HPD: variants seen among roughly 807,000 people sequenced by gnomAD.
HPD encodes 4-hydroxyphenylpyruvic acid oxidase.
A neutral mutation model predicts 56.9 loss-of-function variants in HPD; 35 were observed. That is an observed-to-expected ratio of 0.62 (90% CI 0.47 to 0.82). The LOEUF (loss-of-function observed/expected upper bound fraction) is 0.82, where lower values mean the gene tolerates loss of function less well. HPD is among the 40% of genes least tolerant of loss of function. The pLI, the probability that HPD is intolerant of heterozygous loss-of-function variation, is 0.00. For synonymous variants in HPD, 186 were observed against 200.2 expected (o/e 0.93, Z 0.60); for missense variants, 442 against 506.8 (o/e 0.87, Z 1.23).
intron 7 of HPD, among the ~76,000 whole-genome samples, chr12:121,850,461 A>C (rs1001371545): frequency 7.0e-6 from 1 of 143,090 alleles, no homozygotes; most frequent in Non-Finnish European, 1.5e-5. Flanking sequence ...TCTGTCAGCC[A>C]CTTTAACCAT....
At chr12:121,840,833 G>A (rs1877383484) in intron 12 of HPD, among the ~76,000 whole-genome samples, 1 of 151,756 alleles carries the variant, frequency 6.6e-6, no homozygotes, top group African/African-American at 2.4e-5. Context: ...CGAGGCAGGT[G>A]GATCACCTGA....
At chr12:121,840,461 C>T (rs753594274) in intron 12 of HPD, among the ~76,000 whole-genome samples, 1 of 152,008 alleles carries the variant, frequency 6.6e-6, no homozygotes, top group Non-Finnish European at 1.5e-5. Flanking sequence ...CTACCATGCC[C>T]GGCTAATTTT....
At chr12:121,874,947 G>C in the HPD span, among the ~76,000 whole-genome samples, 46 of 152,088 alleles carry the variant, frequency 3.0e-4, no homozygotes, top group African/African-American at 1.1e-3. Context: ...TTTTAGTAGA[G>C]AGGGGTTTCT....
chr12:121,841,952 G>C (rs1448862771), intron 12 of HPD, among the ~76,000 whole-genome samples: 1 of 151,966 alleles, frequency 6.6e-6, no homozygotes, highest in Non-Finnish European at 1.5e-5. Flanking sequence ...CAAAGTGCTG[G>C]GATTACAGGC....
intron 3 of HPD, 114 bp downstream of exon 3, chr12:121,857,642 CT>C (rs1426693207): frequency 4.1e-6 from 4 of 972,110 alleles, no homozygotes; most frequent in Admixed American, 1.8e-5. Context: ...TGGCCCACCC[CT>C]GGCCTGATCC....
the HPD span, among the ~76,000 whole-genome samples, chr12:121,887,189 C>T: frequency 6.6e-6 from 1 of 151,872 alleles, no homozygotes; most frequent in Non-Finnish European, 1.5e-5. Context: ...TGTGAATCAC[C>T]ACACCTGGTC....
At chr12:121,874,646 A>C in the HPD span, among the ~76,000 whole-genome samples, 8 of 152,146 alleles carry the variant, frequency 5.3e-5, no homozygotes, top group Non-Finnish European at 8.8e-5. Flanking sequence ...AAACAAACAA[A>C]ACCAAAAACA....
At chr12:121,882,955 C>T in the HPD span, among the ~76,000 whole-genome samples, 2 of 151,836 alleles carry the variant, frequency 1.3e-5, no homozygotes, top group African/African-American at 4.8e-5. Context: ...CTTGAACTAC[C>T]GACCTCAAGT....
chr12:121,881,134 T>G, the HPD span, among the ~76,000 whole-genome samples: 1 of 152,226 alleles, frequency 6.6e-6, no homozygotes, highest in African/African-American at 2.4e-5. Flanking sequence ...TGCTCCACGC[T>G]CTGCCCAGGT....
intron 11 of HPD, 61 bp from the exon 12 acceptor site, chr12:121,843,893 T>C (rs2137611420): frequency 6.2e-7 from 1 of 1,607,432 alleles, no homozygotes; most frequent in East Asian, 2.2e-5. Flanking sequence ...CCTAGCCAGG[T>C]GGAGGTGCTG....
At chr12:121,857,625 G>T in intron 3 of HPD, 132 bp downstream of exon 3, 1 of 873,122 alleles carries the variant, frequency 1.1e-6, no homozygotes, top group South Asian at 1.4e-5. Context: ...TTAGGATTCA[G>T]AGTATCTGGC....
the HPD span, among the ~76,000 whole-genome samples, chr12:121,871,405 C>T: frequency 1.3e-5 from 2 of 152,050 alleles, no homozygotes; most frequent in African/African-American, 4.8e-5. Context: ...GTCAAATAGC[C>T]CTGTGCTCTG....
intron 2 of HPD, 39 bp from the exon 3 acceptor site, chr12:121,857,858 A>G: frequency 6.4e-7 from 1 of 1,554,542 alleles, no homozygotes. Context: ...AGTCCCTGAA[A>G]GTGAGTCTAG....
At chr12:121,873,027 C>G in the HPD span, among the ~76,000 whole-genome samples, 1 of 152,120 alleles carries the variant, frequency 6.6e-6, no homozygotes, top group African/African-American at 2.4e-5. Context: ...CCACCACCAT[C>G]TGTGAGCATG....
upstream of HPD, among the ~76,000 whole-genome samples, chr12:121,861,149 A>C (rs1046493110): frequency 7.9e-5 from 12 of 152,058 alleles, no homozygotes; most frequent in African/African-American, 2.9e-4. Flanking sequence ...CAGCCTGACC[A>C]ATATGGTGAA....
At chr12:121,859,045 G>A (rs138385400), upstream of HPD, 6,106 of 600,222 alleles carry the variant, frequency 0.01, 113 homozygotes, top group South Asian at 0.035. Flanking sequence ...GGGCAGTGAC[G>A]TCCACTAGTC....
At chr12:121,846,638 C>T (rs748150428) in intron 11 of HPD, among the ~76,000 whole-genome samples, 3 of 152,168 alleles carry the variant, frequency 2.0e-5, no homozygotes, top group African/African-American at 4.8e-5. Flanking sequence ...GATACCCTGG[C>T]GCCTGCTACC....
the HPD span, among the ~76,000 whole-genome samples, chr12:121,886,333 C>A: frequency 1.8e-3 from 272 of 151,366 alleles, 2 homozygotes; most frequent in African/African-American, 6.5e-3. Context: ...TGGTCTCGAT[C>A]TCCTAACCTC....
chr12:121,869,937 G>GATTATT, the HPD span, among the ~76,000 whole-genome samples: 41 of 151,920 alleles, frequency 2.7e-4, no homozygotes, highest in East Asian at 6.6e-3. Flanking sequence ...GAAGTGGGCT[G>GATTATT]ATTATTATTA....
Sources: gnomAD v4.1 joint callset for allele counts (sites outside exome capture counted in the v4.1 genomes callset) on GRCh38, gnomAD v4.1.1 for gene constraint, MANE v1.5 for transcripts, NCBI Gene and HGNC (gene_info 2026-07-23, HGNC 2026-07-21) for gene names.